THSD4: variants seen among roughly 807,000 people sequenced by gnomAD.
The protein encoded by THSD4 is thrombospondin type-1 domain-containing protein 4.
In THSD4, 69 loss-of-function variants were observed where a neutral mutation model predicts 119.0. The ratio of observed to expected loss-of-function variants is 0.58; its 90% CI spans 0.48 to 0.71. The LOEUF is 0.71. Among genes scored for constraint, THSD4 ranks in the 30% least tolerant of loss-of-function variants. THSD4 has a pLI of 0.00. For synonymous variants in THSD4, 524 were observed against 540.4 expected (o/e 0.97, Z 0.42); for missense variants, 1,393 against 1,391.1 (o/e 1.00, Z -0.02).
Position 71,215,993 on chromosome 15 carries a change from A to G in THSD4, c.464+594A>G, listed in dbSNP as rs573618272. Among the ~76,000 whole-genome samples the G allele has an allele frequency of 7.2e-5, 11 of 152,340 alleles. No homozygotes were observed. The East Asian group carries it at 2.1e-3, about 29-fold the overall frequency. ...GAGTCATAAAATGTAAACTCTAGAA[A>G]TGGCATAGTGTCATCAGAATAGTGG... On this transcript the variant is annotated intron_variant, in intron 4 of 17. Transcript: ENST00000261862.
chr15:71,357,365 C>T (rs992157442), intron 6 of THSD4, among the ~76,000 whole-genome samples: 1 of 152,162 alleles, frequency 6.6e-6, no homozygotes, highest in Non-Finnish European at 1.5e-5. Context: ...GCTGGGAGGC[C>T]TGCGTTTCCT....
At chr15:71,571,412 A>G (rs12438067) in intron 7 of THSD4, among the ~76,000 whole-genome samples, 25,344 of 151,988 alleles carry the variant, frequency 0.17, 2,245 homozygotes, top group Middle Eastern at 0.24. Context: ...TTTGCCTGAA[A>G]GTTTCTGTGT....
At chr15:71,434,101 T>A (rs2046975152) in intron 7 of THSD4, among the ~76,000 whole-genome samples, 1 of 152,176 alleles carries the variant, frequency 6.6e-6, no homozygotes, top group Non-Finnish European at 1.5e-5. Flanking sequence ...CATTTTTATG[T>A]TATTTTACCA....
At chr15:71,776,331 C>T (rs982622121) in intron 17 of THSD4, among the ~76,000 whole-genome samples, 1 of 152,192 alleles carries the variant, frequency 6.6e-6, no homozygotes, top group Non-Finnish European at 1.5e-5. Context: ...TAACCTAACT[C>T]ACAAAGGATC....
chr15:71,118,239 A>G (rs892588165), intron 1 of THSD4, among the ~76,000 whole-genome samples: 3 of 152,146 alleles, frequency 2.0e-5, no homozygotes, highest in Non-Finnish European at 4.4e-5. Context: ...ATCCCAGTCT[A>G]CTTTATTGAT....
rs1864555609 is a variant in THSD4 at position 71,313,313 on chromosome 15, T to TGTGC, written c.1015+56599_1015+56602dup. Among the ~76,000 whole-genome samples the TGTGC allele has an allele frequency of 2.0e-5, 3 of 152,366 alleles. No homozygotes were observed. In the South Asian group the frequency reaches 6.2e-4, roughly 32 times the overall value. On this transcript the variant is annotated intron_variant, in intron 6 of 17. Coordinates refer to ENST00000261862, the MANE Select transcript of THSD4 (RefSeq NM_024817.3). ...ATGCATGTGCTCACATATGTGTGTG[T>TGTGC]GTGCATGTGTTCAGTATTTCCTTAC...
intron 3 of THSD4, among the ~76,000 whole-genome samples, chr15:71,199,926 T>TGTGTGTGTAGTGTGTGTGTA (rs2043786746): frequency 1.6e-5 from 2 of 128,986 alleles, no homozygotes; most frequent in South Asian, 2.5e-4. Context: ...GGTGTGTGTG[T>TGTGTGTGTAGTGTGTGTGTA]GTGTGTGTGT....
intron 7 of THSD4, among the ~76,000 whole-genome samples, chr15:71,428,025 G>A (rs2046897055): frequency 1.3e-5 from 2 of 152,160 alleles, no homozygotes; most frequent in Admixed American, 1.3e-4. Context: ...GGAACTTGAA[G>A]TGTTCAGTCT....
At chr15:71,370,788 C>G (rs1316509704) in intron 6 of THSD4, among the ~76,000 whole-genome samples, 1 of 152,154 alleles carries the variant, frequency 6.6e-6, no homozygotes. Flanking sequence ...CTGTAGATGT[C>G]TATTAGGTCC....
chr15:71,772,594 C>T (rs2053841372), intron 17 of THSD4, among the ~76,000 whole-genome samples: 1 of 152,108 alleles, frequency 6.6e-6, no homozygotes, highest in African/African-American at 2.4e-5. Context: ...TATTATAAAG[C>T]TACAGAAACT....
chr15:71,118,778 G>T (rs147428425), intron 1 of THSD4, among the ~76,000 whole-genome samples: 1 of 152,340 alleles, frequency 6.6e-6, no homozygotes, highest in East Asian at 1.9e-4. Flanking sequence ...AAAATGTTAT[G>T]CTGGAAGCCA....
At chr15:71,226,487 C>T (rs1028051623) in intron 4 of THSD4, among the ~76,000 whole-genome samples, 4 of 152,190 alleles carry the variant, frequency 2.6e-5, no homozygotes, top group Non-Finnish European at 5.9e-5. Flanking sequence ...CACACATTCC[C>T]ACCTCCCCTG....
At chr15:71,199,023 A>G (rs1388634440) in intron 3 of THSD4, among the ~76,000 whole-genome samples, 1 of 152,188 alleles carries the variant, frequency 6.6e-6, no homozygotes, top group Non-Finnish European at 1.5e-5. Flanking sequence ...ATATTTTATT[A>G]GTGACCTTGT....
chr15:71,124,278 G>A (rs1272599846), intron 1 of THSD4, among the ~76,000 whole-genome samples: 1 of 152,230 alleles, frequency 6.6e-6, no homozygotes, highest in Non-Finnish European at 1.5e-5. Flanking sequence ...CTGTGTTCCA[G>A]TGAAACTGAC....
rs767266534 is a variant in THSD4, at chr15:71,737,913, C to G, written c.1812C>G (p.Asn604Lys). 6.2e-7 allele frequency: 1 copy of G among 1,614,238 alleles called. No individual in the cohort carries two copies. The highest frequency in any genetic ancestry group is 8.5e-7 in the Non-Finnish European group (1 of 1,180,018). ...GATTTTCTCCCCATCGACCGGACAA[C>G]TTGGTGCCACCAGCACCGCAGCCCC... ...PDRFSPHRPD[N>K]LVPPAPQPPR... Residue 604 changes from asparagine (N) to lysine (K), a missense_variant, in exon 11 of 18, where the codon AAC becomes AAG. Asn to Lys is a moderately conservative substitution (Grantham distance 94). Coordinates refer to ENST00000261862, the MANE Select transcript of THSD4 (RefSeq NM_024817.3).
rs149527327 is a variant in THSD4, at chr15:71,124,099, G to A, written c.-80+8401G>A. 1.7e-3 allele frequency among the ~76,000 whole-genome samples: 266 copies of A among 152,222 alleles called. 3 individuals carry two copies. Among genetic ancestry groups the A allele is most frequent in the African/African-American group, 6.2e-3 (257 of 41,522 alleles). ...TCTGTGTGTTTTCAGTCTGACACCA[G>A]CACCACCATTTGACAGACTGTCAAG... On this transcript the variant is annotated intron_variant, in intron 1 of 17. Coordinates refer to ENST00000261862, the MANE Select transcript of THSD4 (RefSeq NM_024817.3).
intron 6 of THSD4, among the ~76,000 whole-genome samples, chr15:71,377,906 A>ACCCC (rs1566961513): frequency 3.0e-5 from 2 of 66,318 alleles, no homozygotes; most frequent in Non-Finnish European, 5.9e-5. Context: ...ACACACACAC[A>ACCCC]CACACACAAT....
At chr15:71,632,483 C>T (rs2050651413) in intron 7 of THSD4, among the ~76,000 whole-genome samples, 1 of 152,248 alleles carries the variant, frequency 6.6e-6, no homozygotes, top group Admixed American at 6.5e-5. Flanking sequence ...GAACCTACTT[C>T]TTTGGCCACT....
chr15:71,142,143 T>C (rs1286582872), intron 2 of THSD4, among the ~76,000 whole-genome samples: 1 of 152,232 alleles, frequency 6.6e-6, no homozygotes, highest in Non-Finnish European at 1.5e-5. Flanking sequence ...GAATCTGGTA[T>C]TTTAAAATGG....
Sources: gnomAD v4.1 joint callset for allele counts (sites outside exome capture counted in the v4.1 genomes callset) on GRCh38, gnomAD v4.1.1 for gene constraint, MANE v1.5 for transcripts, NCBI Gene and HGNC (gene_info 2026-07-23, HGNC 2026-07-21) for gene names.